Variants in NR2F1-AS1 observed in about 807,000 individuals in gnomAD.
The protein encoded by NR2F1-AS1 is NR2F1 antisense RNA 1.
chr5:93,528,047 G>T (rs1041943403), intron 4 of NR2F1-AS1, among the ~76,000 whole-genome samples: 2 of 152,156 alleles, frequency 1.3e-5, no homozygotes, highest in African/African-American at 4.8e-5. Context: ...ACTATCATCA[G>T]AGTTAACAGG....
chr5:93,409,838 G>T (rs1748813618), intron 4 of NR2F1-AS1: 1 of 150,522 alleles, frequency 6.6e-6, no homozygotes, highest in African/African-American at 2.5e-5. Flanking sequence ...GAGCAACATT[G>T]TTTATTTAAT....
upstream of NR2F1-AS1, among the ~76,000 whole-genome samples, chr5:93,581,761 C>CCTCTCG (rs1753067048): frequency 5.6e-5 from 1 of 17,844 alleles, no homozygotes; most frequent in African/African-American, 2.1e-4. Context: ...TCTCCCTCTC[C>CCTCTCG]TCTCTCCCTC....
At chr5:93,458,211 T>G (rs567590525) in intron 4 of NR2F1-AS1, among the ~76,000 whole-genome samples, 1 of 152,310 alleles carries the variant, frequency 6.6e-6, no homozygotes, top group East Asian at 1.9e-4. Flanking sequence ...GCTGGCCACA[T>G]TTTTAATTTT....
intron 1 of NR2F1-AS1, among the ~76,000 whole-genome samples, chr5:93,563,938 T>A (rs1270066183): frequency 1.3e-5 from 2 of 150,952 alleles, no homozygotes; most frequent in East Asian, 3.9e-4. Context: ...CCATCTCTAC[T>A]AACAATACAA....
chr5:93,550,973 T>A (rs1484932865), intron 4 of NR2F1-AS1, among the ~76,000 whole-genome samples: 1 of 152,104 alleles, frequency 6.6e-6, no homozygotes, highest in Non-Finnish European at 1.5e-5. Context: ...AGGTTTTTTT[T>A]TTTTTAGTAT....
chr5:93,427,599 G>A (rs1027043843), intron 4 of NR2F1-AS1, among the ~76,000 whole-genome samples: 12 of 152,080 alleles, frequency 7.9e-5, no homozygotes, highest in Non-Finnish European at 1.6e-4. Context: ...TCAGCACCCA[G>A]ATTTGTACTC....
chr5:93,577,392 A>C (rs1457845058), intron 1 of NR2F1-AS1, among the ~76,000 whole-genome samples: 1 of 152,222 alleles, frequency 6.6e-6, no homozygotes, highest in Admixed American at 6.5e-5. Context: ...CTATATGTGC[A>C]CGCTAAGGGT....
chr5:93,486,313 G>GT (rs908113677), intron 4 of NR2F1-AS1, among the ~76,000 whole-genome samples: 119 of 150,864 alleles, frequency 7.9e-4, no homozygotes, highest in African/African-American at 2.6e-3. Context: ...TCCAGGAGCT[G>GT]TTTTTTTTTA....
intron 4 of NR2F1-AS1, among the ~76,000 whole-genome samples, chr5:93,527,601 A>G (rs563731259): frequency 2.0e-5 from 3 of 152,354 alleles, no homozygotes; most frequent in African/African-American, 7.2e-5. Context: ...AAACTATACT[A>G]CAAGGCTACA....
At chr5:93,578,723 C>T (rs1752952905) in intron 1 of NR2F1-AS1, among the ~76,000 whole-genome samples, 1 of 152,186 alleles carries the variant, frequency 6.6e-6, no homozygotes, top group Admixed American at 6.5e-5. Context: ...GTGAAAGAAA[C>T]GTGGACACTA....
intron 4 of NR2F1-AS1, among the ~76,000 whole-genome samples, chr5:93,428,816 G>T (rs1749248461): frequency 6.6e-6 from 1 of 152,126 alleles, no homozygotes; most frequent in Non-Finnish European, 1.5e-5. Flanking sequence ...TGCAAATTTA[G>T]TAATAAAACT....
intron 4 of NR2F1-AS1, among the ~76,000 whole-genome samples, chr5:93,521,017 A>G (rs1751490191): frequency 1.3e-5 from 2 of 152,214 alleles, no homozygotes; most frequent in South Asian, 4.1e-4. Context: ...GGTTCAAAAA[A>G]AGTGCATAGA....
chr5:93,526,259 T>C (rs2149897996), intron 4 of NR2F1-AS1, among the ~76,000 whole-genome samples: 1 of 152,202 alleles, frequency 6.6e-6, no homozygotes, highest in Middle Eastern at 3.4e-3. Context: ...CTAGAAGAAA[T>C]GGGTAAATTG....
intron 4 of NR2F1-AS1, among the ~76,000 whole-genome samples, chr5:93,419,749 C>A (rs1197210679): frequency 6.6e-6 from 1 of 151,966 alleles, no homozygotes; most frequent in Non-Finnish European, 1.5e-5. Flanking sequence ...AAATTGACAC[C>A]CCTTTCCTCT....
chr5:93,551,905 C>A (rs887766424), intron 4 of NR2F1-AS1, among the ~76,000 whole-genome samples: 3 of 152,098 alleles, frequency 2.0e-5, no homozygotes, highest in Non-Finnish European at 2.9e-5. Context: ...TATGGTGAGA[C>A]CTTGGGAAAG....
At chr5:93,475,609 A>G (rs1750467388) in intron 4 of NR2F1-AS1, among the ~76,000 whole-genome samples, 1 of 152,210 alleles carries the variant, frequency 6.6e-6, no homozygotes, top group Non-Finnish European at 1.5e-5. Flanking sequence ...ATTCCTTTCG[A>G]ATCTAGAGCT....
chr5:93,576,874 A>T (rs1290216674), intron 1 of NR2F1-AS1, among the ~76,000 whole-genome samples: 3 of 152,190 alleles, frequency 2.0e-5, no homozygotes, highest in Non-Finnish European at 4.4e-5. Context: ...CTTTCATCCA[A>T]ACCTAATCCA....
At chr5:93,526,262 G>C (rs1158699057) in intron 4 of NR2F1-AS1, among the ~76,000 whole-genome samples, 1 of 152,084 alleles carries the variant, frequency 6.6e-6, no homozygotes, top group Admixed American at 6.6e-5. Context: ...GAAGAAATGG[G>C]TAAATTGCTC....
intron 4 of NR2F1-AS1, among the ~76,000 whole-genome samples, chr5:93,424,307 AT>A (rs35725110): frequency 0.12 from 17,599 of 150,716 alleles, 1,238 homozygotes; most frequent in Middle Eastern, 0.2. Flanking sequence ...ATTATATTAT[AT>A]TTTCTAATAT....
Sources: gnomAD v4.1 joint callset for allele counts (sites outside exome capture counted in the v4.1 genomes callset) on GRCh38, gnomAD v4.1.1 for gene constraint, MANE v1.5 for transcripts, NCBI Gene and HGNC (gene_info 2026-07-23, HGNC 2026-07-21) for gene names.